PFKM: variants seen among roughly 807,000 people sequenced by gnomAD.
PFKM encodes ATP-dependent 6-phosphofructokinase, muscle type.
In PFKM, 58 loss-of-function variants were observed where a neutral mutation model predicts 95.5. That is an observed-to-expected ratio of 0.61 (90% CI 0.49 to 0.76). The LOEUF (loss-of-function observed/expected upper bound fraction) is 0.76, where lower values mean the gene tolerates loss of function less well. Ranked by LOEUF, PFKM falls within the 30% of genes least tolerant of loss-of-function variation. The pLI is 0.00. For synonymous variants in PFKM, 336 were observed against 357.2 expected (o/e 0.94, Z 0.67); for missense variants, 678 against 1,005.4 (o/e 0.67, Z 4.40).
intron 10 of PFKM, chr12:48,137,413 T>C: frequency 2.4e-6 from 1 of 420,028 alleles, no homozygotes; most frequent in South Asian, 2.1e-5. Flanking sequence ...CAAAGCAATC[T>C]CCTACCTTGT....
upstream of PFKM, among the ~76,000 whole-genome samples, chr12:48,115,400 C>T (rs201323640): frequency 2.6e-5 from 4 of 151,930 alleles, 1 homozygote; most frequent in South Asian, 8.3e-4. Context: ...TTAGGATAGG[C>T]GGTGGAGTTA....
upstream of PFKM, chr12:48,118,628 T>C (rs1947884035): frequency 2.1e-6 from 2 of 964,836 alleles, no homozygotes; most frequent in African/African-American, 1.6e-5. Context: ...ATCTGACCCT[T>C]TTTCCAGAGT....
At chr12:48,105,575 A>G (rs1039896505), upstream of PFKM, 4 of 485,490 alleles carry the variant, frequency 8.2e-6, no homozygotes, top group African/African-American at 5.9e-5. Context: ...AGAAGTAGTC[A>G]AGAAATATCA....
chr12:48,117,421 C>T (rs1191483767), upstream of PFKM, among the ~76,000 whole-genome samples: 1 of 152,246 alleles, frequency 6.6e-6, no homozygotes, highest in African/African-American at 2.4e-5. Flanking sequence ...CTGTCTTCTA[C>T]AGTGACTGTA....
chr12:48,105,460 A>C, upstream of PFKM: 1 of 519,070 alleles, frequency 1.9e-6, no homozygotes, highest in Middle Eastern at 3.2e-4. Context: ...TCATAACCTG[A>C]GCAGGAGGGT....
chr12:48,140,775 G>C lies in PFKM; in HGVS notation c.1245G>C (p.Met415Ile). The C allele has an allele frequency of 6.2e-7, 1 of 1,614,212 alleles. No homozygotes were observed. Among genetic ancestry groups the C allele is most frequent in the Non-Finnish European group, 8.5e-7 (1 of 1,180,020 alleles). ...VMNVGAPAAGMNAAVRSTVRI... is the reference protein window; with the variant it reads ...VMNVGAPAAGINAAVRSTVRI... ...ACGTGGGGGCTCCGGCTGCAGGCAT[G>C]AATGCTGCTGTTCGCTCCACTGTGA... Residue 415 changes from methionine to isoleucine, a missense_variant, in exon 14 of 23, where the codon ATG (methionine) becomes ATC (isoleucine). Coordinates refer to ENST00000359794, the MANE Select transcript of PFKM (RefSeq NM_000289.6).
At chr12:48,131,422 A>G (rs952099491) in intron 4 of PFKM, 29 bp downstream of exon 4, 9 of 1,506,782 alleles carry the variant, frequency 6.0e-6, no homozygotes, top group African/African-American at 1.4e-5. Context: ...CCTGTCCCAT[A>G]TTTGCTCTGT....
Position 48,141,336 on chromosome 12 carries a change from T to C in PFKM, c.1367T>C (p.Val456Ala), listed in dbSNP as rs1950560890. The change falls in exon 15 of 23, where the codon GTT becomes GCT. Residue 456 changes from valine to alanine, a missense_variant. Physicochemically the swap from Val to Ala is moderately conservative, Grantham distance 64. Transcript: ENST00000359794. Reference protein sequence around the residue: ...GQIEEAGWSYVGGWTGQGGSK... With the variant: ...GQIEEAGWSYAGGWTGQGGSK... The stretch of plus-strand genomic sequence containing the variant: ...ATAGAGGAAGCTGGCTGGAGCTATG[T>C]TGGGGGCTGGACTGGCCAAGGTGGC... 5 of 1,614,122 alleles carry C rather than the reference T, an allele frequency of 3.1e-6. No homozygotes were observed. The highest frequency in any genetic ancestry group is 1.7e-5 in the Admixed American group (1 of 60,020).
rs767265360 is a variant in PFKM, at chr12:48,134,264, G to A, written c.626G>A (p.Gly209Asp). 2 of 1,613,712 alleles carry A rather than the reference G, an allele frequency of 1.2e-6. No homozygotes were observed. Among genetic ancestry groups the A allele is most frequent in the Non-Finnish European group, 1.7e-6 (2 of 1,179,626 alleles). Residue 209 changes from glycine to aspartate, a missense_variant, in exon 7 of 23, where the codon GGC (glycine) becomes GAC (aspartate). Gly to Asp is a moderately conservative substitution (Grantham distance 94). Transcript: ENST00000359794. The part of the protein sequence containing the change: ...HQRTFVLEVM[G>D]RHCGYLALVT... ...AGGACATTTGTGTTAGAAGTAATGG[G>A]CCGCCACTGTGGGTAAGATCCTCAT...
At chr12:48,137,689 C>G in intron 10 of PFKM, 32 bp from the exon 11 acceptor site, 4 of 1,613,964 alleles carry the variant, frequency 2.5e-6, no homozygotes, top group African/African-American at 1.3e-5. Flanking sequence ...GCAGCCTGAG[C>G]CAGACTGTCT....
chr12:48,145,841 A>T lies in PFKM; in HGVS notation c.*133A>T. 1.0e-6 allele frequency: 1 copy of T among 964,794 alleles called. No homozygotes were observed. Among genetic ancestry groups the T allele is most frequent in the Non-Finnish European group, 1.6e-6 (1 of 627,674 alleles). The allele number at this position is 964,794 out of a possible 1,614,324, so 59.8% of individuals were successfully genotyped here. On this transcript the variant is annotated 3_prime_UTR_variant, in exon 23 of 23. Coordinates refer to ENST00000359794, the MANE Select transcript of PFKM (RefSeq NM_000289.6). The surrounding 1 kb of genome is among the most constrained non-coding windows in gnomAD (Gnocchi z 4.3). The stretch of plus-strand genomic sequence containing the variant: ...TATTCTGTACCTTGCAGCCATGACC[A>T]GTTCTGGCCAGGAGCTGGAGGAGCA...
At position 48,133,553 on chromosome 12, in the gene PFKM, A is replaced by G. The variant is rs188775001; in HGVS notation, c.593+73A>G. On this transcript the variant is annotated intron_variant, in intron 6 of 22. Transcript: ENST00000359794. Reference sequence around the variant, plus strand: ...CAGGCTAAAGGGCTAGAAGCTCCTGAAGACTAAAGCGTTTGAGCTATGGTG... The same window carrying G: ...CAGGCTAAAGGGCTAGAAGCTCCTGGAGACTAAAGCGTTTGAGCTATGGTG... The G allele has an allele frequency of 3.1e-5, 43 of 1,378,442 alleles. No individual in the cohort carries two copies. The African/African-American group carries it at 5.8e-4, about 19-fold the overall frequency. The allele number at this position is 1,378,442 out of a possible 1,614,324, so 85.4% of individuals were successfully genotyped here.
At chr12:48,112,531 T>A (rs1252049846) in intron 3 of PFKM, among the ~76,000 whole-genome samples, 2 of 152,148 alleles carry the variant, frequency 1.3e-5, no homozygotes, top group Non-Finnish European at 2.9e-5. Flanking sequence ...GCCTGATGGG[T>A]GTCAGGGTCA....
At chr12:48,132,296 C>A (rs1271866595) in intron 4 of PFKM, 2 of 297,116 alleles carry the variant, frequency 6.7e-6, no homozygotes, top group Non-Finnish European at 1.3e-5. Context: ...ATAAGGCTTT[C>A]TTTACCTAGA....
chr12:48,146,173 T>A lies in PFKM; in HGVS notation c.*465T>A, dbSNP rs1592836079. 1 of 200,178 alleles carries A rather than the reference T, an allele frequency of 5.0e-6. No individual in the cohort carries two copies. The highest frequency in any genetic ancestry group is 1.2e-4 in the East Asian group (1 of 8,166). 12.4% of individuals were successfully genotyped at this position (200,178 alleles called of 1,614,324 possible). A position where few individuals can be genotyped will look rare whatever the true frequency, so the allele number is the denominator to read the frequency against. The stretch of plus-strand genomic sequence containing the variant: ...CTGTCAGCCCCATGTATCAGACACT[T>A]GTCTGATGAAGCAGTAAAGACGTTA... On this transcript the variant is annotated 3_prime_UTR_variant, in exon 23 of 23. Coordinates refer to ENST00000359794, the MANE Select transcript of PFKM (RefSeq NM_000289.6).
At chr12:48,110,447 C>T (rs1346034329) in intron 3 of PFKM, among the ~76,000 whole-genome samples, 2 of 152,166 alleles carry the variant, frequency 1.3e-5, no homozygotes, top group Non-Finnish European at 2.9e-5. Flanking sequence ...TAGTTATCTG[C>T]TCTAATGAGA....
intron 18 of PFKM, 40 bp downstream of exon 18, chr12:48,142,986 G>C: frequency 6.3e-7 from 1 of 1,586,406 alleles, no homozygotes; most frequent in South Asian, 1.1e-5. Flanking sequence ...GCTCTCCCCT[G>C]TCTCCAGACT....
At chr12:48,112,294 A>G (rs1366134851) in intron 3 of PFKM, among the ~76,000 whole-genome samples, 1 of 152,246 alleles carries the variant, frequency 6.6e-6, no homozygotes, top group Non-Finnish European at 1.5e-5. Context: ...AAAACTAGGT[A>G]TCCAAAGGTG....
chr12:48,108,045 G>A lies in PFKM; in HGVS notation c.83-27G>A, dbSNP rs368449892. The stretch of plus-strand genomic sequence containing the variant: ...CTCCCTTCCCAGAATCCCACCTTGA[G>A]GGTGACCTAAAGCTATTGTTTCTCA... On this transcript the variant is annotated intron_variant, in intron 2 of 24. Coordinates refer to the PFKM transcript ENST00000340802. 6.2e-4 allele frequency: 990 copies of A among 1,598,562 alleles called. 2 individuals carry two copies. Among genetic ancestry groups the A allele is most frequent in the Middle Eastern group, 6.1e-3 (37 of 6,054 alleles).
Sources: allele counts gnomAD v4.1 joint callset (sites outside exome capture counted in the v4.1 genomes callset), GRCh38; gene constraint gnomAD v4.1.1; non-coding constraint Gnocchi (gnomAD v3.1); transcripts MANE v1.5; gene names NCBI Gene and HGNC (gene_info 2026-07-23, HGNC 2026-07-21).